Variants in RAPH1 observed in about 807,000 individuals in gnomAD.
RAPH1 encodes ras-associated and pleckstrin homology domains-containing protein 1.
A neutral mutation model predicts 88.1 loss-of-function variants in RAPH1; 18 were observed. The ratio of observed to expected loss-of-function variants is 0.20; its 90% CI spans 0.14 to 0.30. RAPH1 has a LOEUF of 0.30. Ranked by LOEUF, RAPH1 falls within the 10% of genes least tolerant of loss-of-function variation. The pLI is 1.00. For synonymous variants in RAPH1, 587 were observed against 559.0 expected (o/e 1.05, Z -0.71); for missense variants, 1,448 against 1,543.2 (o/e 0.94, Z 1.03).
intron 4 of RAPH1, among the ~76,000 whole-genome samples, chr2:203,469,406 GGGC>G (rs1172149861): frequency 6.6e-6 from 1 of 152,106 alleles, no homozygotes; most frequent in East Asian, 1.9e-4. Context: ...GCTGCTTCTT[GGGC>G]AGATTTTCAT....
chr2:203,488,268 T>C (rs1688062014), intron 4 of RAPH1, among the ~76,000 whole-genome samples: 1 of 152,150 alleles, frequency 6.6e-6, no homozygotes, highest in African/African-American at 2.4e-5. Flanking sequence ...AACTTACGGT[T>C]CTCTGAACCA....
In RAPH1 at chr2:203,489,681, A is replaced by G; in HGVS notation, c.635T>C (p.Ile212Thr). The G allele has an allele frequency of 6.2e-7, 1 of 1,614,146 alleles. No individual in the cohort carries two copies. Among genetic ancestry groups the G allele is most frequent in the Non-Finnish European group, 8.5e-7 (1 of 1,180,016 alleles). The change falls in exon 4 of 14, where the codon ATC becomes ACC. Residue 212 changes from isoleucine (I) to threonine (T), a missense_variant. Physicochemically the swap from Ile to Thr is moderately conservative, Grantham distance 89. Around this residue, in one of 2 missense-constraint regions of RAPH1, gnomAD observed 513 missense variants for 653.1 expected, o/e 0.79. Coordinates refer to ENST00000319170, the MANE Select transcript of RAPH1 (RefSeq NM_213589.3). ...HSISNSSHSSITSAASSMDSL... is the reference protein window; with the variant it reads ...HSISNSSHSSTTSAASSMDSL... ...GTCCATGCTGGAGGCTGCGGAAGTG[A>G]TGCTGGAATGGGAGGAATTACTAAT...
intron 4 of RAPH1, among the ~76,000 whole-genome samples, chr2:203,478,747 C>T (rs919306884): frequency 6.6e-6 from 1 of 152,172 alleles, no homozygotes; most frequent in Non-Finnish European, 1.5e-5. Flanking sequence ...CCTCCACCTC[C>T]AAAAGTTCTG....
At chr2:203,506,869 T>TCTATAG (rs1559494946) in intron 1 of RAPH1, among the ~76,000 whole-genome samples, 5 of 106,696 alleles carry the variant, frequency 4.7e-5, no homozygotes, top group African/African-American at 2.4e-4. Flanking sequence ...TATATATATA[T>TCTATAG]ATATATATAT....
intron 1 of RAPH1, among the ~76,000 whole-genome samples, chr2:203,505,625 A>G (rs1688953960): frequency 6.6e-6 from 1 of 152,250 alleles, no homozygotes; most frequent in African/African-American, 2.4e-5. Flanking sequence ...ATAATTAACT[A>G]TTACACAATA....
At chr2:203,487,772 A>G (rs559545866) in intron 4 of RAPH1, among the ~76,000 whole-genome samples, 154 of 152,340 alleles carry the variant, frequency 1.0e-3, no homozygotes, top group African/African-American at 3.5e-3. Flanking sequence ...CTTCAGATTG[A>G]TAAGATTCGC....
intron 6 of RAPH1, among the ~76,000 whole-genome samples, chr2:203,460,297 T>C (rs1420836474): frequency 2.0e-5 from 3 of 152,236 alleles, no homozygotes; most frequent in African/African-American, 7.2e-5. Flanking sequence ...TCTTCAGTCT[T>C]AAACATTTTC....
intron 4 of RAPH1, among the ~76,000 whole-genome samples, chr2:203,473,444 G>A (rs187496995): frequency 1.4e-4 from 21 of 152,150 alleles, no homozygotes; most frequent in African/African-American, 3.6e-4. Flanking sequence ...ACTAAGGAGA[G>A]TAAATTATGT....
intron 10 of RAPH1, among the ~76,000 whole-genome samples, chr2:203,453,537 C>G (rs1374036040): frequency 9.0e-6 from 1 of 110,872 alleles, no homozygotes; most frequent in Non-Finnish European, 1.7e-5. Context: ...CAGAGCAAGA[C>G]CCTGCCTCAA....
intron 1 of RAPH1, among the ~76,000 whole-genome samples, chr2:203,506,771 TATATATATCTAG>T (rs1689040666): frequency 1.4e-4 from 18 of 127,936 alleles, no homozygotes; most frequent in African/African-American, 5.4e-4. Context: ...TATATATATC[TATATATATCTAG>T]ATATATATAT....
At chr2:203,473,488 T>A (rs965738562) in intron 4 of RAPH1, among the ~76,000 whole-genome samples, 4 of 152,062 alleles carry the variant, frequency 2.6e-5, no homozygotes, top group African/African-American at 9.7e-5. Flanking sequence ...ACCAGGGCCG[T>A]ATTATCAGTG....
chr2:203,480,435 C>A (rs1207746016), intron 4 of RAPH1, among the ~76,000 whole-genome samples: 4 of 152,120 alleles, frequency 2.6e-5, no homozygotes, highest in Non-Finnish European at 4.4e-5. Context: ...ATAGTCACAG[C>A]TACTAGGGAG....
chr2:203,523,220 C>T (rs574672985), intron 1 of RAPH1, among the ~76,000 whole-genome samples: 5 of 151,806 alleles, frequency 3.3e-5, no homozygotes, highest in South Asian at 2.1e-4. Flanking sequence ...GGTTAAACCC[C>T]GTCTCTATTA....
chr2:203,488,638 T>C (rs78684375), intron 4 of RAPH1, among the ~76,000 whole-genome samples: 4 of 146,308 alleles, frequency 2.7e-5, no homozygotes, highest in East Asian at 2.0e-4. Context: ...GAACAACTTT[T>C]GTTCTCTGAA....
rs941050217 is a variant in RAPH1, at chr2:203,506,901, T to A, written c.1-11548A>T. ...ATATAGATATATATATATATATATT[T>A]TTTTTTTTTTTGAGATGAACTTTCA... is the stretch of plus-strand genomic sequence containing the variant. On this transcript the variant is annotated intron_variant, in intron 1 of 13. Transcript: ENST00000319170. 1.1e-3 allele frequency among the ~76,000 whole-genome samples: 127 copies of A among 113,970 alleles called. 8 individuals carry two copies. Among genetic ancestry groups the A allele is most frequent in the South Asian group, 3.1e-3 (12 of 3,918 alleles). The allele number at this position is 113,970 out of a possible 152,430, so 74.8% of individuals were successfully genotyped here.
chr2:203,453,393 A>G (rs1339628725), intron 10 of RAPH1, among the ~76,000 whole-genome samples: 2 of 151,752 alleles, frequency 1.3e-5, no homozygotes, highest in African/African-American at 4.8e-5. Context: ...AAAAAACACA[A>G]AAATTAGCTG....
chr2:203,467,429 A>T lies in RAPH1; in HGVS notation c.733-5504T>A, dbSNP rs1297967302. On this transcript the variant is annotated intron_variant, in intron 4 of 13. Transcript: ENST00000319170. ...ATGATAGCGAAACCCCGTCTCTACT[A>T]AAAAAAAAAAAATACAAAAATTAGC... is the stretch of plus-strand genomic sequence containing the variant. Among the ~76,000 whole-genome samples, 3 of 116,196 alleles carry T rather than the reference A, an allele frequency of 2.6e-5. No homozygotes were observed. The East Asian group carries it at 7.1e-4, about 28-fold the overall frequency. 76.2% of individuals were successfully genotyped at this position (116,196 alleles called of 152,430 possible). A position where few individuals can be genotyped will look rare whatever the true frequency, so the allele number is the denominator to read the frequency against.
In RAPH1 at chr2:203,448,575, C is replaced by G. The variant is rs1430499624; in HGVS notation, c.1512+163G>C. Among the ~76,000 whole-genome samples the G allele has an allele frequency of 6.6e-6, 1 of 151,990 alleles. No homozygotes were observed. Among genetic ancestry groups the G allele is most frequent in the Non-Finnish European group, 1.5e-5 (1 of 67,988 alleles). ...AATGTTAAAAGTTTATCCCTATAAA[C>G]AAGGAAAAAAGACAACATTTAAAAC... is the stretch of plus-strand genomic sequence containing the variant. On this transcript the variant is annotated intron_variant, in intron 11 of 13. Coordinates refer to ENST00000319170, the MANE Select transcript of RAPH1 (RefSeq NM_213589.3). The surrounding 1 kb of genome is among the most constrained non-coding windows in gnomAD (Gnocchi z 4.1).
chr2:203,490,168 A>C, intron 3 of RAPH1, 79 bp from the exon 4 acceptor site: 1 of 1,350,754 alleles, frequency 7.4e-7, no homozygotes, highest in Non-Finnish European at 1.0e-6. Flanking sequence ...GTGATGAAGC[A>C]AAAGAATATA....
Sources: gnomAD v4.1 joint callset for allele counts (sites outside exome capture counted in the v4.1 genomes callset) on GRCh38, gnomAD v4.1.1 for gene constraint, gnomAD v4.1.1 regional missense constraint, Gnocchi (gnomAD v3.1) non-coding constraint, MANE v1.5 for transcripts, NCBI Gene and HGNC (gene_info 2026-07-23, HGNC 2026-07-21) for gene names.